PIBF1: variants seen among roughly 807,000 people sequenced by gnomAD.
PIBF1 encodes progesterone immunomodulatory binding factor 1.
PIBF1 carries 90 observed loss-of-function variants against 112.5 expected under a neutral mutation model. The ratio of observed to expected loss-of-function variants is 0.80; its 90% CI spans 0.67 to 0.95. PIBF1 has a LOEUF of 0.95. PIBF1 is among the 40% of genes least tolerant of loss of function. The pLI is 0.00. For synonymous variants in PIBF1, 301 were observed against 288.6 expected, an observed-to-expected ratio of 1.04 and a Z score of -0.44; for missense variants, 915 against 852.3, an observed-to-expected ratio of 1.07 and a Z score of -0.92.
intron 11 of PIBF1, among the ~76,000 whole-genome samples, chr13:72,897,753 C>T (rs895630644): frequency 6.6e-6 from 1 of 152,128 alleles, no homozygotes; most frequent in Non-Finnish European, 1.5e-5. Flanking sequence ...CCTTGTCCAA[C>T]AGGAAAATAT....
chr13:72,915,149 GAT>G (rs142559850), intron 12 of PIBF1, among the ~76,000 whole-genome samples: 28 of 150,462 alleles, frequency 1.9e-4, no homozygotes, highest in East Asian at 7.8e-4. Context: ...GTTATATGCA[GAT>G]ATATATATAT....
intron 11 of PIBF1, among the ~76,000 whole-genome samples, chr13:72,902,029 C>CGTGTGTGTGTGTGTGTGTGTGTGTGT (rs1566426406): frequency 3.9e-5 from 1 of 25,868 alleles, no homozygotes; most frequent in Admixed American, 5.3e-4. Context: ...TGTGTATACA[C>CGTGTGTGTGTGTGTGTGTGTGTGTGT]ACACATGATG....
chr13:72,883,327 C>T (rs1296304739), intron 10 of PIBF1, among the ~76,000 whole-genome samples: 1 of 151,956 alleles, frequency 6.6e-6, no homozygotes, highest in Non-Finnish European at 1.5e-5. Context: ...ATGATGGTAA[C>T]CAGAGACTGG....
intron 13 of PIBF1, among the ~76,000 whole-genome samples, chr13:72,918,684 A>G (rs1291957177): frequency 6.7e-6 from 1 of 148,484 alleles, no homozygotes; most frequent in Admixed American, 6.8e-5. Flanking sequence ...GAGATCCACC[A>G]TGCCCAGTCT....
At chr13:72,983,819 T>A (rs1594315282) in intron 16 of PIBF1, among the ~76,000 whole-genome samples, 1 of 152,326 alleles carries the variant, frequency 6.6e-6, no homozygotes, top group East Asian at 1.9e-4. Flanking sequence ...CATGTTTTTC[T>A]TATGCACCTA....
chr13:72,802,585 A>G (rs1566288486), intron 5 of PIBF1, among the ~76,000 whole-genome samples: 1 of 152,340 alleles, frequency 6.6e-6, no homozygotes, highest in East Asian at 1.9e-4. Flanking sequence ...TAGTTTGAAT[A>G]ACTGGAAGGA....
chr13:72,895,411 G>C (rs2138581672), intron 11 of PIBF1, among the ~76,000 whole-genome samples: 1 of 151,198 alleles, frequency 6.6e-6, no homozygotes, highest in African/African-American at 2.4e-5. Context: ...ATGTCCTTAA[G>C]TTTAAAAGAT....
At chr13:72,912,792 GACTT>G (rs1290724241) in intron 12 of PIBF1, among the ~76,000 whole-genome samples, 1 of 151,904 alleles carries the variant, frequency 6.6e-6, no homozygotes, top group Admixed American at 6.6e-5. Context: ...GGAAACAATT[GACTT>G]ACTTAACAAC....
chr13:72,810,049 C>T (rs1165484948), intron 5 of PIBF1, among the ~76,000 whole-genome samples: 1 of 152,130 alleles, frequency 6.6e-6, no homozygotes, highest in Non-Finnish European at 1.5e-5. Context: ...TCATCTTTTA[C>T]TTCAAGTCCG....
intron 9 of PIBF1, among the ~76,000 whole-genome samples, chr13:72,852,834 T>C (rs1457214526): frequency 6.6e-6 from 1 of 152,188 alleles, no homozygotes; most frequent in African/African-American, 2.4e-5. Context: ...AGAGATAGTG[T>C]GGCATGATGT....
At chr13:72,945,007 A>G (rs781159538) in intron 14 of PIBF1, among the ~76,000 whole-genome samples, 5 of 152,074 alleles carry the variant, frequency 3.3e-5, no homozygotes, top group Non-Finnish European at 5.9e-5. Flanking sequence ...CCAGGTAGTG[A>G]GCATCATACC....
intron 8 of PIBF1, 60 bp from the exon 9 acceptor site, chr13:72,835,183 G>C: frequency 7.5e-7 from 1 of 1,337,872 alleles, no homozygotes; most frequent in Non-Finnish European, 1.0e-6. Context: ...CTTACGTACA[G>C]TGCAAAAGCC....
chr13:72,986,299 T>C (rs148560370), intron 16 of PIBF1, among the ~76,000 whole-genome samples: 56 of 152,136 alleles, frequency 3.7e-4, no homozygotes, highest in African/African-American at 1.3e-3. Flanking sequence ...CAAGAAAACA[T>C]GAATGTCAGA....
intron 16 of PIBF1, among the ~76,000 whole-genome samples, chr13:72,991,330 T>C (rs1450052851): frequency 6.6e-6 from 1 of 152,226 alleles, no homozygotes; most frequent in Non-Finnish European, 1.5e-5. Context: ...ATCCTTGCCC[T>C]TAACTCTTCA....
At chr13:72,824,180 A>ATT (rs10630564) in intron 6 of PIBF1, among the ~76,000 whole-genome samples, 4,220 of 141,682 alleles carry the variant, frequency 0.03, 198 homozygotes, top group African/African-American at 0.093. Context: ...TGCCCAGCTA[A>ATT]TTTTTTTTTT....
chr13:72,959,529 A>G (rs1380779467), intron 14 of PIBF1, among the ~76,000 whole-genome samples: 1 of 152,214 alleles, frequency 6.6e-6, no homozygotes, highest in Non-Finnish European at 1.5e-5. Context: ...TCCACTCAGC[A>G]GTATTCATTT....
intron 4 of PIBF1, among the ~76,000 whole-genome samples, chr13:72,796,337 CA>C (rs1271434130): frequency 1.3e-5 from 2 of 152,074 alleles, no homozygotes; most frequent in Non-Finnish European, 2.9e-5. Flanking sequence ...GGGCAGAGTC[CA>C]GGAGTCCCAA....
At chr13:72,858,643 AC>A (rs1487225194) in intron 10 of PIBF1, among the ~76,000 whole-genome samples, 1 of 152,174 alleles carries the variant, frequency 6.6e-6, no homozygotes, top group Non-Finnish European at 1.5e-5. Flanking sequence ...GAGATTTTGT[AC>A]CTCATAAATA....
chr13:72,897,589 A>C (rs541981185), intron 11 of PIBF1, among the ~76,000 whole-genome samples: 1 of 152,324 alleles, frequency 6.6e-6, no homozygotes, highest in South Asian at 2.1e-4. Context: ...CTAACACATA[A>C]GGACTCACAT....
Sources: gnomAD v4.1 joint callset for allele counts (sites outside exome capture counted in the v4.1 genomes callset) on GRCh38, gnomAD v4.1.1 for gene constraint, MANE v1.5 for transcripts, NCBI Gene and HGNC (gene_info 2026-07-23, HGNC 2026-07-21) for gene names.